NEO1: variants seen among roughly 807,000 people sequenced by gnomAD.
NEO1 encodes the protein neogenin.
In NEO1, 63 loss-of-function variants were observed where a neutral mutation model predicts 159.7. That is an observed-to-expected ratio of 0.39 (90% CI 0.32 to 0.49). The LOEUF (loss-of-function observed/expected upper bound fraction) is 0.49, where lower values mean the gene tolerates loss of function less well. Among genes scored for constraint, NEO1 ranks in the 20% least tolerant of loss-of-function variants. NEO1 has a pLI of 0.85. For synonymous variants in NEO1, 633 were observed against 662.0 expected (o/e 0.96, Z 0.67); for missense variants, 1,615 against 1,831.0 (o/e 0.88, Z 2.15).
chr15:73,147,853 G>C (rs868602630), intron 5 of NEO1, among the ~76,000 whole-genome samples: 1 of 148,438 alleles, frequency 6.7e-6, no homozygotes, highest in Non-Finnish European at 1.5e-5. Context: ...TCACTATGTC[G>C]CCCAGGCTGG....
intron 7 of NEO1, among the ~76,000 whole-genome samples, chr15:73,226,171 A>G (rs771640118): frequency 6.6e-6 from 1 of 152,082 alleles, no homozygotes; most frequent in Non-Finnish European, 1.5e-5. Flanking sequence ...GTCCTGCATG[A>G]GCAATCCACT....
intron 27 of NEO1, chr15:73,299,970 T>G (rs1174544495): frequency 1.3e-5 from 2 of 152,264 alleles, no homozygotes; most frequent in African/African-American, 4.8e-5. Context: ...TTTAAAGGTT[T>G]GTTTGTAAAG....
chr15:73,134,289 T>C (rs1248901854), intron 4 of NEO1, among the ~76,000 whole-genome samples: 3 of 152,182 alleles, frequency 2.0e-5, no homozygotes, highest in South Asian at 4.1e-4. Context: ...ACATTTCTGA[T>C]AGGAAGGTTG....
chr15:73,155,313 G>T (rs35257598), intron 5 of NEO1, among the ~76,000 whole-genome samples: 24,929 of 152,074 alleles, frequency 0.16, 2,447 homozygotes, highest in Non-Finnish European at 0.23. Context: ...ATTCTGCTGA[G>T]AAGTCAACTG....
rs953637641 is a variant in NEO1, at chr15:73,137,698, T to C, written c.1015+1671T>C. On this transcript the variant is annotated intron_variant, in intron 5 of 28. Coordinates refer to ENST00000261908, the MANE Select transcript of NEO1 (RefSeq NM_002499.4). Reference sequence around the variant, plus strand: ...TTTTGGTAGAGATGGGGTTTCACCATGTTGCCCAGGCTGGTCTCGAACTCC... The same window carrying C: ...TTTTGGTAGAGATGGGGTTTCACCACGTTGCCCAGGCTGGTCTCGAACTCC... 2.6e-5 allele frequency among the ~76,000 whole-genome samples: 4 copies of C among 152,232 alleles called. 1 individual carries two copies. In the South Asian group the frequency reaches 6.2e-4, roughly 24 times the overall value.
chr15:73,101,046 C>T (rs1458700309), intron 1 of NEO1, among the ~76,000 whole-genome samples: 3 of 152,220 alleles, frequency 2.0e-5, no homozygotes, highest in Non-Finnish European at 4.4e-5. Flanking sequence ...AGCATTCCTT[C>T]AATCCAAAAT....
rs752044292 is a variant in NEO1 at position 73,301,473 on chromosome 15, C to T, written c.4302+16C>T. ...CTCCGAGAGTGTAAGTTCGTGGGGCCATCAGTCCAGCCAGATTGCCTGGGA... is the reference window on the plus strand; with the variant it reads ...CTCCGAGAGTGTAAGTTCGTGGGGCTATCAGTCCAGCCAGATTGCCTGGGA... On this transcript the variant is annotated intron_variant, in intron 28 of 28. Transcript: ENST00000261908. 2.5e-6 allele frequency: 4 copies of T among 1,614,066 alleles called. No homozygotes were observed. The highest frequency in any genetic ancestry group is 2.5e-6 in the Non-Finnish European group (3 of 1,179,986).
chr15:73,285,129 A>T (rs114205551), intron 23 of NEO1, among the ~76,000 whole-genome samples: 5,751 of 151,674 alleles, frequency 0.038, 354 homozygotes, highest in African/African-American at 0.13. Flanking sequence ...TTCAAAGTAA[A>T]TTTTTTTTTA....
At position 73,301,460 on chromosome 15, in the gene NEO1, A is replaced by G. The variant is rs1474075513; in HGVS notation, c.4302+3A>G. Reference sequence around the variant, plus strand: ...GGATGTTGGAAGACTCCGAGAGTGTAAGTTCGTGGGGCCATCAGTCCAGCC... The same window carrying G: ...GGATGTTGGAAGACTCCGAGAGTGTGAGTTCGTGGGGCCATCAGTCCAGCC... On this transcript the variant is annotated splice_donor_region_variant and intron_variant, in intron 28 of 28. Coordinates refer to ENST00000261908, the MANE Select transcript of NEO1 (RefSeq NM_002499.4). 6.2e-7 allele frequency: 1 copy of G among 1,614,158 alleles called. No homozygotes were observed. The highest frequency in any genetic ancestry group is 1.7e-5 in the Admixed American group (1 of 60,028).
intron 7 of NEO1, among the ~76,000 whole-genome samples, chr15:73,183,605 G>T (rs1224812481): frequency 6.6e-6 from 1 of 152,162 alleles, no homozygotes; most frequent in Non-Finnish European, 1.5e-5. Context: ...AGAAGAGCCA[G>T]AGGGCCTACC....
intron 5 of NEO1, among the ~76,000 whole-genome samples, chr15:73,141,484 T>C (rs2032380925): frequency 6.6e-6 from 1 of 152,182 alleles, no homozygotes; most frequent in South Asian, 2.1e-4. Context: ...ACAGAAACTT[T>C]TCCTTTTTCT....
At chr15:73,053,707 T>C (rs530983953) in intron 1 of NEO1, among the ~76,000 whole-genome samples, 1 of 152,332 alleles carries the variant, frequency 6.6e-6, no homozygotes, top group African/African-American at 2.4e-5. Flanking sequence ...CCTTACGGTA[T>C]TGTTGAGCAG....
At chr15:73,179,834 C>T (rs79965793) in intron 7 of NEO1, among the ~76,000 whole-genome samples, 6,787 of 150,676 alleles carry the variant, frequency 0.045, 209 homozygotes, top group Non-Finnish European at 0.071. Flanking sequence ...AGTTGATCTG[C>T]ATCAATATTG....
intron 8 of NEO1, among the ~76,000 whole-genome samples, chr15:73,239,870 T>A (rs2039401630): frequency 2.0e-5 from 3 of 152,282 alleles, no homozygotes; most frequent in Non-Finnish European, 4.4e-5. Flanking sequence ...TGTCTGTATA[T>A]TTTGATGTGT....
intron 5 of NEO1, among the ~76,000 whole-genome samples, chr15:73,138,920 T>C (rs1197012911): frequency 1.3e-5 from 2 of 152,152 alleles, no homozygotes; most frequent in East Asian, 1.9e-4. Context: ...GCAGAAGTCA[T>C]ATGTGACTTC....
intron 7 of NEO1, among the ~76,000 whole-genome samples, chr15:73,207,390 A>C (rs1359471079): frequency 6.6e-6 from 1 of 152,146 alleles, no homozygotes; most frequent in Non-Finnish European, 1.5e-5. Flanking sequence ...CAGCAAACTC[A>C]ATTAACCTCA....
intron 1 of NEO1, among the ~76,000 whole-genome samples, chr15:73,094,605 A>G (rs888101087): frequency 2.0e-5 from 3 of 152,144 alleles, no homozygotes; most frequent in African/African-American, 7.2e-5. Flanking sequence ...TGATTGGTAT[A>G]CGTTTTAAGT....
chr15:73,075,454 C>T (rs1280748564), intron 1 of NEO1, among the ~76,000 whole-genome samples: 2 of 152,136 alleles, frequency 1.3e-5, no homozygotes, highest in Admixed American at 1.3e-4. Flanking sequence ...ATGAGTGGTG[C>T]ACTTTTATGT....
At chr15:73,086,561 C>CT (rs56017937) in intron 1 of NEO1, among the ~76,000 whole-genome samples, 59,230 of 128,824 alleles carry the variant, frequency 0.46, 13,855 homozygotes, top group Admixed American at 0.52. Context: ...TATAGTATGT[C>CT]TTTTTTTTTT....
Sources: gnomAD v4.1 joint callset for allele counts (sites outside exome capture counted in the v4.1 genomes callset) on GRCh38, gnomAD v4.1.1 for gene constraint, MANE v1.5 for transcripts, NCBI Gene and HGNC (gene_info 2026-07-23, HGNC 2026-07-21) for gene names.